Variants in CLYBL observed in about 807,000 individuals in gnomAD.
The protein encoded by CLYBL is citramalyl-CoA lyase, mitochondrial.
Under a neutral mutation model 38.9 loss-of-function variants are expected in CLYBL, and 31 were observed. The ratio of observed to expected loss-of-function variants is 0.80; its 90% confidence interval spans 0.60 to 1.08. The LOEUF is 1.08. Ranked by LOEUF, CLYBL falls within the 50% of genes least tolerant of loss-of-function variation. The probability of loss-of-function intolerance (pLI) is 0.00; values close to 1 mark genes in which losing one functional copy is unlikely to be tolerated. For missense variants in CLYBL, 434 were observed against 411.6 expected (o/e 1.05, Z -0.47); for synonymous variants, 171 against 158.6 (o/e 1.08, Z -0.59).
chr13:99,896,028 G>A (rs1464534826), downstream of CLYBL: 1 of 151,614 alleles, frequency 6.6e-6, no homozygotes, highest in Non-Finnish European at 1.5e-5. Context: ...GGGTACACGC[G>A]GTGGCCGCAG....
At chr13:99,690,258 C>T (rs943185573) in intron 1 of CLYBL, 5 of 152,184 alleles carry the variant, frequency 3.3e-5, no homozygotes, top group Non-Finnish European at 1.5e-5. Flanking sequence ...GGGCTCCTTC[C>T]GGGGTTCTGG....
intron 9 of CLYBL, among the ~76,000 whole-genome samples, chr13:99,906,993 C>A (rs1015442014): frequency 6.6e-6 from 1 of 152,178 alleles, no homozygotes; most frequent in Admixed American, 6.5e-5. Context: ...AAAAAAGCCT[C>A]ATTGGCAAAT....
chr13:99,622,952 C>G (rs1293736406), intron 1 of CLYBL, among the ~76,000 whole-genome samples: 1 of 152,174 alleles, frequency 6.6e-6, no homozygotes, highest in Non-Finnish European at 1.5e-5. Context: ...CCTGCCTCAA[C>G]CTTCCAAGTA....
intron 2 of CLYBL, among the ~76,000 whole-genome samples, chr13:99,790,332 G>A (rs1594184855): frequency 6.6e-6 from 1 of 152,178 alleles, no homozygotes; most frequent in Admixed American, 6.5e-5. Context: ...GCAGTGGCTG[G>A]TACCGGTTGT....
At chr13:99,861,573 T>C (rs2051604220) in intron 3 of CLYBL, among the ~76,000 whole-genome samples, 1 of 152,188 alleles carries the variant, frequency 6.6e-6, no homozygotes, top group South Asian at 2.1e-4. Context: ...TCCCCTTAAA[T>C]TGTCACCCCC....
chr13:99,759,848 T>C (rs1204799510), intron 1 of CLYBL, among the ~76,000 whole-genome samples: 1 of 152,212 alleles, frequency 6.6e-6, no homozygotes, highest in Non-Finnish European at 1.5e-5. Context: ...TCATATAAAA[T>C]TACCATTTTG....
chr13:99,831,185 A>G (rs527523973), intron 2 of CLYBL, among the ~76,000 whole-genome samples: 2 of 152,364 alleles, frequency 1.3e-5, no homozygotes, highest in South Asian at 4.1e-4. Context: ...CGCCCTGCAC[A>G]CACCTCAAGT....
intron 1 of CLYBL, among the ~76,000 whole-genome samples, chr13:99,636,936 G>A (rs1224794230): frequency 6.6e-6 from 1 of 152,088 alleles, no homozygotes; most frequent in Non-Finnish European, 1.5e-5. Flanking sequence ...GTGCAGTGGT[G>A]CAGTCTTGGC....
At chr13:99,773,187 G>T (rs922610324) in intron 2 of CLYBL, among the ~76,000 whole-genome samples, 177 bp downstream of exon 2, 4 of 152,178 alleles carry the variant, frequency 2.6e-5, no homozygotes, top group African/African-American at 9.7e-5. Flanking sequence ...TTCTCTGAGA[G>T]AAAGGAAGAA....
At chr13:99,814,715 A>G (rs2050408450) in intron 2 of CLYBL, among the ~76,000 whole-genome samples, 1 of 148,826 alleles carries the variant, frequency 6.7e-6, no homozygotes, top group South Asian at 2.2e-4. Context: ...GCAACAGAAC[A>G]AGACCCTGTC....
chr13:99,713,594 C>T (rs2048267861), intron 1 of CLYBL, among the ~76,000 whole-genome samples: 2 of 152,046 alleles, frequency 1.3e-5, no homozygotes, highest in South Asian at 4.1e-4. Context: ...CCCTCCTTGG[C>T]CTTCCAAAGT....
At chr13:99,845,115 C>G (rs2051169275) in intron 2 of CLYBL, among the ~76,000 whole-genome samples, 1 of 152,176 alleles carries the variant, frequency 6.6e-6, no homozygotes, top group South Asian at 2.1e-4. Context: ...TCCTGTATGT[C>G]CAGAGGCCCT....
chr13:99,706,175 C>T (rs2048144316), intron 1 of CLYBL, among the ~76,000 whole-genome samples: 2 of 152,172 alleles, frequency 1.3e-5, no homozygotes, highest in South Asian at 4.2e-4. Flanking sequence ...CGTGATCCAC[C>T]CACTTTGGCC....
At chr13:99,873,659 G>T (rs1382706964) in intron 7 of CLYBL, among the ~76,000 whole-genome samples, 6 of 142,616 alleles carry the variant, frequency 4.2e-5, no homozygotes, top group Admixed American at 4.1e-4. Flanking sequence ...TAAAGGTATA[G>T]CTGAAGTTCA....
chr13:99,895,885 C>T (rs1173429781), downstream of CLYBL: 1 of 152,156 alleles, frequency 6.6e-6, no homozygotes, highest in Non-Finnish European at 1.5e-5. Context: ...ACTTCTTTGT[C>T]ATTCATGCCC....
intron 2 of CLYBL, among the ~76,000 whole-genome samples, chr13:99,851,367 CAAAA>C (rs35539387): frequency 1.6e-5 from 1 of 63,096 alleles, no homozygotes; most frequent in South Asian, 6.4e-4. Flanking sequence ...AAGTCCACCT[CAAAA>C]AAAAAAAAAA....
Position 99,733,473 on chromosome 13 carries a change from C to T in CLYBL, c.63-39351C>T, listed in dbSNP as rs964131705. ...CTTTTTCTCCTCATTTGCCTATTTCCCTTGCTTTTTATCTTGTGCACCACC... is the reference window on the plus strand; with the variant it reads ...CTTTTTCTCCTCATTTGCCTATTTCTCTTGCTTTTTATCTTGTGCACCACC... On this transcript the variant is annotated intron_variant, in intron 1 of 8. Transcript: ENST00000339105. Among the ~76,000 whole-genome samples, 57 of 152,252 alleles carry T rather than the reference C, an allele frequency of 3.7e-4. 1 individual carries two copies. The highest frequency in any genetic ancestry group is 1.3e-3 in the African/African-American group (52 of 41,542).
chr13:99,830,504 C>T (rs2050784154), intron 2 of CLYBL, among the ~76,000 whole-genome samples: 1 of 152,132 alleles, frequency 6.6e-6, no homozygotes, highest in African/African-American at 2.4e-5. Context: ...GCCCCTCAGC[C>T]CAGGAATGTT....
At chr13:99,852,918 T>C (rs1261147542) in intron 2 of CLYBL, among the ~76,000 whole-genome samples, 1 of 152,210 alleles carries the variant, frequency 6.6e-6, no homozygotes, top group East Asian at 1.9e-4. Flanking sequence ...AATATATCCA[T>C]TTCAAAGTAA....
Sources: gnomAD v4.1 joint callset for allele counts (sites outside exome capture counted in the v4.1 genomes callset) on GRCh38, gnomAD v4.1.1 for gene constraint, MANE v1.5 for transcripts, NCBI Gene and HGNC (gene_info 2026-07-23, HGNC 2026-07-21) for gene names.